PITPNA: variants seen among roughly 807,000 people sequenced by gnomAD.
PITPNA encodes phosphatidylinositol transfer protein alpha isoform.
Under a neutral mutation model 50.3 loss-of-function variants are expected in PITPNA, and 13 were observed. The ratio of observed to expected loss-of-function variants is 0.26; its 90% CI spans 0.17 to 0.41. The LOEUF is 0.41. Among genes scored for constraint, PITPNA ranks in the 10% least tolerant of loss-of-function variants. The pLI, the probability that PITPNA is intolerant of heterozygous loss-of-function variation, is 1.00. For synonymous variants in PITPNA, 120 were observed against 119.6 expected (o/e 1.00, Z -0.02); for missense variants, 207 against 333.4 (o/e 0.62, Z 2.95).
chr17:1,562,402 C>T lies in PITPNA; in HGVS notation c.20+139G>A. 1 of 619,590 alleles carries T rather than the reference C, an allele frequency of 1.6e-6. No homozygotes were observed. Among genetic ancestry groups the T allele is most frequent in the Non-Finnish European group, 2.4e-6 (1 of 424,936 alleles). 38.4% of individuals were successfully genotyped at this position (619,590 alleles called of 1,614,324 possible). A position where few individuals can be genotyped will look rare whatever the true frequency, so the allele number is the denominator to read the frequency against. ...GCCCGCCCCGGATCCCCTCCATCCC[C>T]GCTGGGCCCGCCTCAGGCACCCTCC... On this transcript the variant is annotated intron_variant, in intron 1 of 11. Coordinates refer to ENST00000313486, the MANE Select transcript of PITPNA (RefSeq NM_006224.4). The surrounding 1 kb of genome is among the most constrained non-coding windows in gnomAD (Gnocchi z 6.4).
Position 1,548,429 on chromosome 17 carries a change from G to C in PITPNA, c.198-42C>G, listed in dbSNP as rs377432093. On this transcript the variant is annotated intron_variant, in intron 3 of 11. Transcript: ENST00000313486. ...AAGGGGTATAAAGAGAAATGGTAGAGAGAAAGGAGACAAGAGGCTTTTCAG... is the reference window on the plus strand; with the variant it reads ...AAGGGGTATAAAGAGAAATGGTAGACAGAAAGGAGACAAGAGGCTTTTCAG... The C allele has an allele frequency of 8.7e-5, 120 of 1,372,156 alleles. No homozygotes were observed. In the African/African-American group the frequency reaches 1.6e-3, roughly 19 times the overall value. The allele number at this position is 1,372,156 out of a possible 1,614,324, so 85.0% of individuals were successfully genotyped here. A position where few individuals can be genotyped will look rare whatever the true frequency, so the allele number is the denominator to read the frequency against.
At chr17:1,541,974 C>A (rs540993920) in intron 5 of PITPNA, among the ~76,000 whole-genome samples, 2 of 152,022 alleles carry the variant, frequency 1.3e-5, no homozygotes, top group Admixed American at 6.5e-5. Context: ...CCGAGGCGGG[C>A]GGATCACTTG....
At chr17:1,541,487 AC>A in intron 6 of PITPNA, 78 bp downstream of exon 6, 4 of 983,500 alleles carry the variant, frequency 4.1e-6, no homozygotes, top group Non-Finnish European at 6.6e-6. Flanking sequence ...CACAGAGAGG[AC>A]CCCATGGTAG....
chr17:1,544,721 T>G (rs1311147801), intron 4 of PITPNA, among the ~76,000 whole-genome samples: 1 of 152,224 alleles, frequency 6.6e-6, no homozygotes, highest in Non-Finnish European at 1.5e-5. Flanking sequence ...GCGGATCACC[T>G]GAGGTCAGGA....
intron 2 of PITPNA, among the ~76,000 whole-genome samples, chr17:1,555,515 G>T (rs995342207): frequency 6.6e-6 from 1 of 152,146 alleles, no homozygotes; most frequent in African/African-American, 2.4e-5. Flanking sequence ...ACTCCAACAG[G>T]ACTGGGAATC....
intron 10 of PITPNA, among the ~76,000 whole-genome samples, chr17:1,531,521 G>A (rs1392357193): frequency 6.6e-6 from 1 of 151,884 alleles, no homozygotes; most frequent in Non-Finnish European, 1.5e-5. Context: ...CAGAGTGAGA[G>A]CCTGTCTCAG....
At chr17:1,546,001 C>T (rs1178476832) in intron 4 of PITPNA, among the ~76,000 whole-genome samples, 3 of 147,846 alleles carry the variant, frequency 2.0e-5, no homozygotes, top group Non-Finnish European at 4.5e-5. Flanking sequence ...GATCTCGGCT[C>T]ACTGTAACCT....
intron 7 of PITPNA, 136 bp downstream of exon 7, chr17:1,538,733 A>C: frequency 1.7e-6 from 1 of 589,132 alleles, no homozygotes; most frequent in Admixed American, 3.2e-5. Flanking sequence ...CCTAATACTC[A>C]CTTTTAAAAA....
chr17:1,552,734 C>T lies in PITPNA; in HGVS notation c.197+270G>A, dbSNP rs527454084. On this transcript the variant is annotated intron_variant, in intron 3 of 11. Coordinates refer to ENST00000313486, the MANE Select transcript of PITPNA (RefSeq NM_006224.4). ...AACAACCTATAGCACTTCTGTCCCC[C>T]ATGATACTGTGAATCCTACACGGAC... Among the ~76,000 whole-genome samples the T allele has an allele frequency of 3.3e-5, 5 of 152,290 alleles. No individual in the cohort carries two copies. In the East Asian group the frequency reaches 9.6e-4, roughly 29 times the overall value.
chr17:1,536,448 C>T (rs374119628), intron 7 of PITPNA, among the ~76,000 whole-genome samples: 22 of 149,852 alleles, frequency 1.5e-4, no homozygotes, highest in African/African-American at 2.2e-4. Flanking sequence ...CCACCATGCC[C>T]GGCTAATTTT....
At chr17:1,542,822 G>A (rs1233214099) in intron 5 of PITPNA, among the ~76,000 whole-genome samples, 198 bp downstream of exon 5, 2 of 152,142 alleles carry the variant, frequency 1.3e-5, no homozygotes, top group Non-Finnish European at 2.9e-5. Flanking sequence ...TAATGGAGCC[G>A]CAGGCCAATG....
chr17:1,525,080 C>T (rs939441503), intron 10 of PITPNA, among the ~76,000 whole-genome samples: 3 of 151,846 alleles, frequency 2.0e-5, no homozygotes, highest in African/African-American at 7.3e-5. Flanking sequence ...ACCTCTGCCT[C>T]CTGGGTTCAA....
chr17:1,529,801 GC>G (rs2075570405), intron 10 of PITPNA, among the ~76,000 whole-genome samples: 2 of 151,086 alleles, frequency 1.3e-5, no homozygotes, highest in East Asian at 3.9e-4. Context: ...GTTGCAATGA[GC>G]CAAGATTGCA....
At chr17:1,560,331 C>A (rs1045610525) in intron 1 of PITPNA, among the ~76,000 whole-genome samples, 5 of 152,196 alleles carry the variant, frequency 3.3e-5, no homozygotes, top group Admixed American at 1.3e-4. Context: ...TCTAATGTGA[C>A]CTTCACTCGC....
At chr17:1,535,907 G>A (rs2075613045) in intron 7 of PITPNA, 1 of 218,718 alleles carries the variant, frequency 4.6e-6, no homozygotes, top group African/African-American at 2.3e-5. Flanking sequence ...ATCTGCAGGT[G>A]ACGGCAGCAC....
chr17:1,555,044 G>C (rs2075728356), intron 2 of PITPNA, among the ~76,000 whole-genome samples: 1 of 152,190 alleles, frequency 6.6e-6, no homozygotes, highest in African/African-American at 2.4e-5. Context: ...AGAAGGAGCA[G>C]TAACTCCGTT....
chr17:1,522,269 C>T (rs1047076292), intron 10 of PITPNA, among the ~76,000 whole-genome samples: 1 of 151,242 alleles, frequency 6.6e-6, no homozygotes, highest in African/African-American at 2.4e-5. Context: ...GACGGGGTTT[C>T]ACCTTGTTAG....
intron 2 of PITPNA, 76 bp from the exon 3 acceptor site, chr17:1,553,225 T>A: frequency 2.0e-6 from 3 of 1,503,136 alleles, no homozygotes; most frequent in African/African-American, 1.4e-5. Flanking sequence ...TGCCAGTAAG[T>A]GTCTAACTGG....
In PITPNA at chr17:1,520,451, T is replaced by C. The variant is rs1385764954; in HGVS notation, c.*110A>G. ...AAGGAATCGAAAGTTGCCTGAAGAA[T>C]GGGCACAGAACGGCTGCGTCCGAAA... On this transcript the variant is annotated 3_prime_UTR_variant, in exon 12 of 12. Transcript: ENST00000313486. 6.6e-6 allele frequency: 1 copy of C among 152,618 alleles called. No individual in the cohort carries two copies. The highest frequency in any genetic ancestry group is 2.4e-5 in the African/African-American group (1 of 41,432). The allele number at this position is 152,618 out of a possible 1,614,324, so 9.5% of individuals were successfully genotyped here.
Sources: gnomAD v4.1 joint callset for allele counts (sites outside exome capture counted in the v4.1 genomes callset) on GRCh38, gnomAD v4.1.1 for gene constraint, Gnocchi (gnomAD v3.1) non-coding constraint, MANE v1.5 for transcripts, NCBI Gene and HGNC (gene_info 2026-07-23, HGNC 2026-07-21) for gene names.